Variants in KCNQ1 observed in about 807,000 individuals in gnomAD.
KCNQ1 encodes the protein potassium voltage-gated channel subfamily Q member 1.
In KCNQ1, 49 loss-of-function variants were observed where a neutral mutation model predicts 72.4. That is an observed-to-expected ratio of 0.68 (90% CI 0.54 to 0.86). KCNQ1 has a LOEUF of 0.86. Among genes scored for constraint, KCNQ1 ranks in the 40% least tolerant of loss-of-function variants. KCNQ1 has a pLI of 0.00. For synonymous variants in KCNQ1, 450 were observed against 412.6 expected, an observed-to-expected ratio of 1.09 and a Z score of -1.10; for missense variants, 790 against 945.1, an observed-to-expected ratio of 0.84 and a Z score of 2.15.
chr11:2,664,774 G>T lies in KCNQ1; in HGVS notation c.1514+2693G>T, dbSNP rs1289133639. On this transcript the variant is annotated intron_variant, in intron 11 of 15. Transcript: ENST00000155840. This position sits in a 1 kb window ranked among gnomAD's most constrained non-coding sequence, Gnocchi z 5.1. ...GCTGGGGTCTCACAGGGGGCAGAGT[G>T]GGTGGGAGGCAGTTACCAAAAAACA... 5.0e-6 allele frequency: 2 copies of T among 398,752 alleles called. No homozygotes were observed. The highest frequency in any genetic ancestry group is 8.8e-6 in the Non-Finnish European group (2 of 226,166). The allele number at this position is 398,752 out of a possible 1,614,324, so 24.7% of individuals were successfully genotyped here. A position where few individuals can be genotyped will look rare whatever the true frequency, so the allele number is the denominator to read the frequency against.
At position 2,595,828 on chromosome 11, in the gene KCNQ1, C is replaced by T. The variant is rs2106201; in HGVS notation, c.1393+6974C>T. ...ATAAGGCTATAGCGGCCATAGATAG[C>T]GATTGCTTTGATGAATCTGGGCAAA... is the stretch of plus-strand genomic sequence containing the variant. On this transcript the variant is annotated intron_variant, in intron 10 of 15. Coordinates refer to ENST00000155840, the MANE Select transcript of KCNQ1 (RefSeq NM_000218.3). The surrounding 1 kb of genome is among the most constrained non-coding windows in gnomAD (Gnocchi z 5.0). 0.21 allele frequency among the ~76,000 whole-genome samples: 32,018 copies of T among 152,008 alleles called. 4,503 individuals are homozygous for T. The highest frequency in any genetic ancestry group is 0.37 in the African/African-American group (15,391 of 41,444).
intron 11 of KCNQ1, chr11:2,699,295 T>G (rs1414146865): frequency 5.0e-6 from 2 of 398,844 alleles, no homozygotes; most frequent in African/African-American, 4.1e-5. Flanking sequence ...CTGACGCCTG[T>G]GATCTGGGAC....
At chr11:2,466,712 G>A (rs1846357494) in intron 1 of KCNQ1, among the ~76,000 whole-genome samples, 1 of 152,144 alleles carries the variant, frequency 6.6e-6, no homozygotes, top group South Asian at 2.1e-4. Flanking sequence ...GGGGCCTCCT[G>A]CCAGGTGGGC....
In KCNQ1 at chr11:2,762,739, C is replaced by G. The variant is rs1414853332; in HGVS notation, c.1515-6105C>G. Among the ~76,000 whole-genome samples the G allele has an allele frequency of 6.6e-6, 1 of 152,214 alleles. No homozygotes were observed. Among genetic ancestry groups the G allele is most frequent in the East Asian group, 1.9e-4 (1 of 5,200 alleles). Reference sequence around the variant, plus strand: ...ACATGTGAGGGGTCTAGGCTGTGTACTCCTTATGAGAATCTAATGCCTGCT... The same window carrying G: ...ACATGTGAGGGGTCTAGGCTGTGTAGTCCTTATGAGAATCTAATGCCTGCT... On this transcript the variant is annotated intron_variant, in intron 11 of 15. Transcript: ENST00000155840. The surrounding 1 kb of genome is among the most constrained non-coding windows in gnomAD (Gnocchi z 4.3).
In KCNQ1 at chr11:2,539,885, C is replaced by T. The variant is rs963879383; in HGVS notation, c.477+11867C>T. 1.1e-4 allele frequency among the ~76,000 whole-genome samples: 16 copies of T among 152,322 alleles called. No homozygotes were observed. The East Asian group carries it at 1.2e-3, about 11-fold the overall frequency. ...GGGGTCTCTGGTGCAGGGGAGCCGG[C>T]GGGCCGGGTTGGGTTATGTCCTTGT... On this transcript the variant is annotated intron_variant, in intron 2 of 15. Transcript: ENST00000155840.
In KCNQ1 at chr11:2,673,223, C is replaced by G; in HGVS notation, c.1514+11142C>G. On this transcript the variant is annotated intron_variant, in intron 11 of 15. Coordinates refer to ENST00000155840, the MANE Select transcript of KCNQ1 (RefSeq NM_000218.3). The surrounding 1 kb of genome is among the most constrained non-coding windows in gnomAD (Gnocchi z 4.5). Reference sequence around the variant, plus strand: ...GAACTGTGACTAGGCAAGCTGAGTCCCCTGTAGATTCTGGGGACTGGGTGA... The same window carrying G: ...GAACTGTGACTAGGCAAGCTGAGTCGCCTGTAGATTCTGGGGACTGGGTGA... 1 of 398,666 alleles carries G rather than the reference C, an allele frequency of 2.5e-6. No homozygotes were observed. The highest frequency in any genetic ancestry group is 3.6e-5 in the East Asian group (1 of 28,068). The allele number at this position is 398,666 out of a possible 1,614,324, so 24.7% of individuals were successfully genotyped here.
At chr11:2,840,202 A>G (rs1848178415) in intron 15 of KCNQ1, 1 of 149,536 alleles carries the variant, frequency 6.7e-6, no homozygotes, top group Admixed American at 6.6e-5. Context: ...ATATTCATTC[A>G]GCATAAGCAG....
In KCNQ1 at chr11:2,848,380, G is replaced by T. The variant is rs376876993; in HGVS notation, c.*377G>T. On this transcript the variant is annotated 3_prime_UTR_variant, in exon 16 of 16. Coordinates refer to ENST00000155840, the MANE Select transcript of KCNQ1 (RefSeq NM_000218.3). ...AGGCCCACCCTGCTTGGCCCAGGGG[G>T]CTTCCTGAGGGGAGACAGAGCAACC... 104 of 508,112 alleles carry T rather than the reference G, an allele frequency of 2.0e-4. No individual in the cohort carries two copies. Among genetic ancestry groups the T allele is most frequent in the African/African-American group, 1.9e-3 (99 of 52,282 alleles). The allele number at this position is 508,112 out of a possible 1,614,324, so 31.5% of individuals were successfully genotyped here.
rs562050668 is a variant in KCNQ1, at chr11:2,710,576, C to T, written c.1514+48495C>T. Among the ~76,000 whole-genome samples, 2 of 152,152 alleles carry T rather than the reference C, an allele frequency of 1.3e-5. No individual in the cohort carries two copies. The highest frequency in any genetic ancestry group is 3.9e-4 in the East Asian group (2 of 5,178). ...GTAATCTGAGGTCAAAAAGATTTAC[C>T]CCTATATTTTCTTCCAAGAATTTTA... On this transcript the variant is annotated intron_variant, in intron 11 of 15. Transcript: ENST00000155840. The surrounding 1 kb of genome is among the most constrained non-coding windows in gnomAD (Gnocchi z 4.1).
At position 2,826,763 on chromosome 11, in the gene KCNQ1, AT is replaced by A. The variant is rs1474180826; in HGVS notation, c.1795-21003del. On this transcript the variant is annotated intron_variant, in intron 15 of 15. Transcript: ENST00000155840. This position sits in a 1 kb window ranked among gnomAD's most constrained non-coding sequence, Gnocchi z 4.2. ...CCCTGCCTCCACTCAGAATCCCACTATGTGCTTGGAGCCATGCTGGGTGCTG... is the reference window on the plus strand; with the variant it reads ...CCCTGCCTCCACTCAGAATCCCACTAGTGCTTGGAGCCATGCTGGGTGCTG... 3.3e-5 allele frequency among the ~76,000 whole-genome samples: 5 copies of A among 152,128 alleles called. No homozygotes were observed. The highest frequency in any genetic ancestry group is 4.4e-5 in the Non-Finnish European group (3 of 68,004).
At position 2,679,775 on chromosome 11, in the gene KCNQ1, G is replaced by T. The variant is rs973633275; in HGVS notation, c.1514+17694G>T. 1.3e-4 allele frequency: 50 copies of T among 398,600 alleles called. No homozygotes were observed. In the East Asian group the frequency reaches 1.7e-3, roughly 13 times the overall value. The allele number at this position is 398,600 out of a possible 1,614,324, so 24.7% of individuals were successfully genotyped here. On this transcript the variant is annotated intron_variant, in intron 11 of 15. Transcript: ENST00000155840. This position sits in a 1 kb window ranked among gnomAD's most constrained non-coding sequence, Gnocchi z 4.8. ...AAAATAGTCCCTGCTGCACACTAGG[G>T]CCTGTTAGGCCAGTTGAGGGCTAGA...
chr11:2,685,915 A>T (rs1590031667), intron 11 of KCNQ1: 1 of 398,756 alleles, frequency 2.5e-6, no homozygotes, highest in East Asian at 3.6e-5. Flanking sequence ...GATGAGCCTG[A>T]CCAAGTTCTG....
chr11:2,715,980 G>A lies in KCNQ1; in HGVS notation c.1515-52864G>A, dbSNP rs1851086040. ...CGTCACCTCCAAACCCTTTGGGCTGGCCTCTTGGTGAGGAATGGCCCTGGG... is the reference window on the plus strand; with the variant it reads ...CGTCACCTCCAAACCCTTTGGGCTGACCTCTTGGTGAGGAATGGCCCTGGG... On this transcript the variant is annotated intron_variant, in intron 11 of 15. Coordinates refer to ENST00000155840, the MANE Select transcript of KCNQ1 (RefSeq NM_000218.3). This position sits in a 1 kb window ranked among gnomAD's most constrained non-coding sequence, Gnocchi z 4.9. Among the ~76,000 whole-genome samples, 1 of 152,188 alleles carries A rather than the reference G, an allele frequency of 6.6e-6. No individual in the cohort carries two copies. Among genetic ancestry groups the A allele is most frequent in the African/African-American group, 2.4e-5 (1 of 41,452 alleles).
rs997134652 is a variant in KCNQ1, at chr11:2,816,030, G to A, written c.1795-31737G>A. Among the ~76,000 whole-genome samples the A allele has an allele frequency of 6.6e-6, 1 of 152,218 alleles. No homozygotes were observed. Among genetic ancestry groups the A allele is most frequent in the Non-Finnish European group, 1.5e-5 (1 of 68,040 alleles). ...AAGTGTGCACACAGTCCTGGGTGAG[G>A]GCTCCGTTAGATGAATGTGGACGGC... On this transcript the variant is annotated intron_variant, in intron 15 of 15. Transcript: ENST00000155840. This position sits in a 1 kb window ranked among gnomAD's most constrained non-coding sequence, Gnocchi z 6.8.
At position 2,563,926 on chromosome 11, in the gene KCNQ1, T is replaced by G. The variant is rs1403257211; in HGVS notation, c.478-6702T>G. Among the ~76,000 whole-genome samples, 1 of 152,206 alleles carries G rather than the reference T, an allele frequency of 6.6e-6. No individual in the cohort carries two copies. Among genetic ancestry groups the G allele is most frequent in the African/African-American group, 2.4e-5 (1 of 41,456 alleles). ...TCAGTGAAGATTAAGAACTAAAGGC[T>G]CAAGGACAGCTACAGATGACCACAG... On this transcript the variant is annotated intron_variant, in intron 2 of 15. Coordinates refer to ENST00000155840, the MANE Select transcript of KCNQ1 (RefSeq NM_000218.3). This position sits in a 1 kb window ranked among gnomAD's most constrained non-coding sequence, Gnocchi z 7.4.
At chr11:2,561,324 CG>C (rs1463895561) in intron 2 of KCNQ1, among the ~76,000 whole-genome samples, 2 of 152,192 alleles carry the variant, frequency 1.3e-5, no homozygotes, top group Non-Finnish European at 2.9e-5. Context: ...TGGGCCAGCA[CG>C]GGACGGGGCG....
Position 2,766,979 on chromosome 11 carries a change from C to A in KCNQ1, c.1515-1865C>A, listed in dbSNP as rs777420699. Among the ~76,000 whole-genome samples, 2 of 152,176 alleles carry A rather than the reference C, an allele frequency of 1.3e-5. No individual in the cohort carries two copies. The highest frequency in any genetic ancestry group is 2.9e-5 in the Non-Finnish European group (2 of 68,014). ...AGATCATGAGGTCAAGAGATCAACA[C>A]CATCCTAGCCAACATGATCAAACCC... On this transcript the variant is annotated intron_variant, in intron 11 of 15. Transcript: ENST00000155840. The surrounding 1 kb of genome is among the most constrained non-coding windows in gnomAD (Gnocchi z 4.4).
intron 15 of KCNQ1, among the ~76,000 whole-genome samples, chr11:2,778,598 C>T (rs1036035378): frequency 9.2e-5 from 14 of 151,928 alleles, no homozygotes; most frequent in Admixed American, 5.2e-4. Flanking sequence ...GCCGGAGCCT[C>T]TCCCCCAGGC....
chr11:2,837,239 A>G (rs1848087546), intron 15 of KCNQ1, among the ~76,000 whole-genome samples: 2 of 152,132 alleles, frequency 1.3e-5, no homozygotes, highest in African/African-American at 4.8e-5. Context: ...GACAGAACAC[A>G]GCAGGCTGTG....
Sources: gnomAD v4.1 joint callset for allele counts (sites outside exome capture counted in the v4.1 genomes callset) on GRCh38, gnomAD v4.1.1 for gene constraint, Gnocchi (gnomAD v3.1) non-coding constraint, MANE v1.5 for transcripts, NCBI Gene and HGNC (gene_info 2026-07-23, HGNC 2026-07-21) for gene names.